Variants in MCCC2 observed in about 807,000 individuals in gnomAD.
MCCC2 encodes methylcrotonyl-CoA carboxylase subunit 2.
Under a neutral mutation model 77.2 loss-of-function variants are expected in MCCC2, and 52 were observed. That is an observed-to-expected ratio of 0.67 (90% CI 0.54 to 0.85). The LOEUF (loss-of-function observed/expected upper bound fraction) is 0.85. MCCC2 is among the 40% of genes least tolerant of loss of function. MCCC2 has a pLI of 0.00. For missense variants in MCCC2, 682 were observed against 703.2 expected (o/e 0.97, Z 0.34); for synonymous variants, 253 against 248.4 (o/e 1.02, Z -0.18).
chr5:71,591,583 A>G (rs1323999886), intron 1 of MCCC2, among the ~76,000 whole-genome samples: 2 of 151,604 alleles, frequency 1.3e-5, no homozygotes, highest in African/African-American at 4.9e-5. Context: ...ATTACAGGCA[A>G]GCACCACCTT....
chr5:71,604,535 C>A, intron 6 of MCCC2, 67 bp downstream of exon 6: 1 of 1,176,888 alleles, frequency 8.5e-7, no homozygotes, highest in Non-Finnish European at 1.3e-6. Flanking sequence ...GAATTAGGTA[C>A]TCTGGGATGG....
At chr5:71,636,349 T>C (rs958692482) in intron 10 of MCCC2, 3 of 161,826 alleles carry the variant, frequency 1.9e-5, no homozygotes, top group African/African-American at 7.2e-5. Flanking sequence ...AAATGAGGTT[T>C]TTAGTTTAAC....
At chr5:71,594,304 G>A (rs1305703330) in intron 2 of MCCC2, among the ~76,000 whole-genome samples, 2 of 152,002 alleles carry the variant, frequency 1.3e-5, no homozygotes, top group Non-Finnish European at 2.9e-5. Context: ...CGAGGTGGGC[G>A]GATCACATGA....
In MCCC2 at chr5:71,649,180, G is replaced by A. The variant is rs758506791; in HGVS notation, c.1300G>A (p.Val434Met). ...KMVAAVACAQ[V>M]PKITLIIGGS... is the part of the protein sequence containing the mutation. ...GGTGGCCGCTGTGGCCTGTGCCCAA[G>A]TGCCTAAGATAACCCTCATCATTGG... Residue 434 changes from valine (V) to methionine (M), a missense_variant, in exon 14 of 17, where the codon GTG becomes ATG. Transcript: ENST00000340941. 1.2e-6 allele frequency: 2 copies of A among 1,614,128 alleles called. No individual in the cohort carries two copies. Among genetic ancestry groups the A allele is most frequent in the African/African-American group, 2.7e-5 (2 of 74,954 alleles).
intron 6 of MCCC2, among the ~76,000 whole-genome samples, chr5:71,612,240 A>G (rs1393825360): frequency 1.3e-5 from 2 of 152,196 alleles, no homozygotes; most frequent in Non-Finnish European, 2.9e-5. Context: ...TATAATACAG[A>G]TGCTGCTATT....
intron 7 of MCCC2, 23 bp downstream of exon 7, chr5:71,626,776 C>T (rs758009894): frequency 2.5e-5 from 40 of 1,594,908 alleles, no homozygotes; most frequent in East Asian, 1.8e-4. Flanking sequence ...GAACGTTGGT[C>T]GATGGAAATT....
rs759926481 is a variant in MCCC2 at position 71,649,226 on chromosome 5, A to G, written c.1346A>G (p.Asn449Ser). The stretch of plus-strand genomic sequence containing the variant: ...ATTGGGGGCTCCTATGGAGCCGGAA[A>G]CTATGGGATGTGTGGCAGAGCATAT... ...LIIGGSYGAGNYGMCGRAYSP... is the reference protein window; with the variant it reads ...LIIGGSYGAGSYGMCGRAYSP... Residue 449 changes from asparagine to serine, a missense_variant, in exon 14 of 17, where the codon AAC becomes AGC. By Grantham distance (46) the Asn-to-Ser change is conservative (BLOSUM62 1). Transcript: ENST00000340941. The G allele has an allele frequency of 4.3e-6, 7 of 1,614,100 alleles. No homozygotes were observed. The East Asian group carries it at 1.6e-4, about 36-fold the overall frequency.
intron 6 of MCCC2, among the ~76,000 whole-genome samples, chr5:71,611,949 C>T (rs921371453): frequency 4.0e-5 from 6 of 151,810 alleles, no homozygotes; most frequent in South Asian, 2.1e-4. Flanking sequence ...CCACCATGCC[C>T]GGCTAATTTT....
intron 6 of MCCC2, among the ~76,000 whole-genome samples, chr5:71,620,117 A>G (rs192244408): frequency 1.4e-4 from 21 of 152,324 alleles, no homozygotes; most frequent in Admixed American, 9.8e-4. Flanking sequence ...CATACTGGAT[A>G]AGACTGACTT....
chr5:71,604,319 C>G, intron 5 of MCCC2, 37 bp from the exon 6 acceptor site: 1 of 1,542,062 alleles, frequency 6.5e-7, no homozygotes, highest in Non-Finnish European at 9.0e-7. Context: ...ACATTTAGTT[C>G]ATAGAGATGC....
At chr5:71,592,002 A>G (rs1447150584) in intron 1 of MCCC2, among the ~76,000 whole-genome samples, 1 of 152,116 alleles carries the variant, frequency 6.6e-6, no homozygotes, top group Admixed American at 6.5e-5. Context: ...TCCTGGGCTT[A>G]AGCGATGCTC....
rs113315106 is a variant in MCCC2 at position 71,628,705 on chromosome 5, C to G, written c.738+1952C>G. Among the ~76,000 whole-genome samples the G allele has an allele frequency of 3.2e-3, 480 of 152,208 alleles. 1 individual carries two copies. Among genetic ancestry groups the G allele is most frequent in the African/African-American group, 0.011 (451 of 41,518 alleles). ...TATTTTTTCTTTTACCTCAGCTATA[C>G]AATTGTTTGACTCAAGGTCAATAAC... On this transcript the variant is annotated intron_variant, in intron 7 of 16. Transcript: ENST00000340941.
At chr5:71,601,992 A>C (rs1157619592) in intron 4 of MCCC2, among the ~76,000 whole-genome samples, 2 of 152,244 alleles carry the variant, frequency 1.3e-5, no homozygotes, top group Non-Finnish European at 1.5e-5. Context: ...ATTTTAGACT[A>C]CATTTAGTTT....
chr5:71,635,351 A>G lies in MCCC2; in HGVS notation c.999+105A>G, dbSNP rs114421004. On this transcript the variant is annotated intron_variant, in intron 10 of 16. Transcript: ENST00000340941. ...TGTTAAGATATGTTCATGCCTAGAAATAGATGTGGATCTCAGTAAGGAGTG... is the reference window on the plus strand; with the variant it reads ...TGTTAAGATATGTTCATGCCTAGAAGTAGATGTGGATCTCAGTAAGGAGTG... 2.6e-3 allele frequency: 2,545 copies of G among 966,230 alleles called. 33 individuals are homozygous for G. The African/African-American group carries it at 0.034, about 13-fold the overall frequency. 59.9% of individuals were successfully genotyped at this position (966,230 alleles called of 1,614,324 possible).
chr5:71,643,152 G>T (rs1747174123), intron 11 of MCCC2, among the ~76,000 whole-genome samples: 1 of 152,292 alleles, frequency 6.6e-6, no homozygotes, highest in South Asian at 2.1e-4. Context: ...GGAGGCCAAG[G>T]TGGGAGGATC....
At chr5:71,619,173 A>G (rs186466605) in intron 6 of MCCC2, among the ~76,000 whole-genome samples, 27 of 151,986 alleles carry the variant, frequency 1.8e-4, no homozygotes, top group African/African-American at 6.5e-4. Context: ...TATTTTTGAA[A>G]TGTATCTTGT....
At chr5:71,594,420 C>G (rs1458673425) in intron 2 of MCCC2, among the ~76,000 whole-genome samples, 2 of 150,934 alleles carry the variant, frequency 1.3e-5, no homozygotes, top group Non-Finnish European at 2.9e-5. Flanking sequence ...CCCACCTACT[C>G]GGGAGGCTGA....
intron 6 of MCCC2, among the ~76,000 whole-genome samples, chr5:71,624,619 C>T (rs923014133): frequency 9.9e-5 from 15 of 151,868 alleles, no homozygotes; most frequent in Non-Finnish European, 1.6e-4. Context: ...TCAGGTGATC[C>T]GCCCACCTCA....
intron 12 of MCCC2, among the ~76,000 whole-genome samples, chr5:71,644,210 A>C (rs1254137194): frequency 6.6e-6 from 1 of 152,114 alleles, no homozygotes; most frequent in Non-Finnish European, 1.5e-5. Context: ...AAGATACTTG[A>C]GTTATAATTG....
Sources: gnomAD v4.1 joint callset for allele counts (sites outside exome capture counted in the v4.1 genomes callset) on GRCh38, gnomAD v4.1.1 for gene constraint, MANE v1.5 for transcripts, NCBI Gene and HGNC (gene_info 2026-07-23, HGNC 2026-07-21) for gene names.